Variants in EPB41 observed in about 807,000 individuals in gnomAD.
EPB41 encodes erythrocyte membrane protein band 4.1.
Under a neutral mutation model 108.0 loss-of-function variants are expected in EPB41, and 65 were observed. The observed-to-expected ratio is 0.60, with a 90% CI of 0.49 to 0.74. The LOEUF (loss-of-function observed/expected upper bound fraction) is 0.74. Ranked by LOEUF, EPB41 falls within the 30% of genes least tolerant of loss-of-function variation. The pLI is 0.00. For synonymous variants in EPB41, 336 were observed against 358.9 expected (o/e 0.94, Z 0.72); for missense variants, 875 against 1,037.0 (o/e 0.84, Z 2.15).
At chr1:29,048,843 A>G (rs1241509113) in intron 11 of EPB41, among the ~76,000 whole-genome samples, 1 of 151,842 alleles carries the variant, frequency 6.6e-6, no homozygotes, top group Admixed American at 6.6e-5. Flanking sequence ...TTTTTTTTGT[A>G]GTTCTGTTTT....
At chr1:29,049,938 T>C (rs1356763961) in intron 11 of EPB41, among the ~76,000 whole-genome samples, 3 of 152,144 alleles carry the variant, frequency 2.0e-5, no homozygotes, top group African/African-American at 7.2e-5. Context: ...CCCAACACTG[T>C]GAATATACTA....
intron 19 of EPB41, among the ~76,000 whole-genome samples, chr1:29,114,018 C>A (rs1304948021): frequency 6.6e-6 from 1 of 152,106 alleles, no homozygotes; most frequent in East Asian, 1.9e-4. Flanking sequence ...GTCAGGGGCC[C>A]ACAGAGGTGG....
chr1:28,957,839 A>T (rs1346113533), intron 1 of EPB41, among the ~76,000 whole-genome samples: 1 of 152,312 alleles, frequency 6.6e-6, no homozygotes, highest in Non-Finnish European at 1.5e-5. Flanking sequence ...CCAATTCCTT[A>T]TACCGTCTTC....
chr1:28,895,969 A>C (rs1212617555), intron 1 of EPB41, among the ~76,000 whole-genome samples: 1 of 152,226 alleles, frequency 6.6e-6, no homozygotes, highest in African/African-American at 2.4e-5. Flanking sequence ...TGCTGCTGTA[A>C]GAGTTTTAAA....
intron 2 of EPB41, among the ~76,000 whole-genome samples, chr1:28,990,412 T>C (rs1268695645): frequency 7.2e-6 from 1 of 139,612 alleles, no homozygotes. Flanking sequence ...TCCCCCTCTT[T>C]ATTTATTTTC....
chr1:29,059,335 A>G (rs1646112225), intron 14 of EPB41, among the ~76,000 whole-genome samples: 1 of 152,244 alleles, frequency 6.6e-6, no homozygotes, highest in South Asian at 2.1e-4. Flanking sequence ...TAAACTTTTC[A>G]GTAGCAAAAT....
chr1:28,956,493 A>G (rs1226597226), intron 1 of EPB41, among the ~76,000 whole-genome samples: 1 of 152,244 alleles, frequency 6.6e-6, no homozygotes, highest in Non-Finnish European at 1.5e-5. Flanking sequence ...TCCAAGAACA[A>G]GAACATTTTC....
intron 11 of EPB41, among the ~76,000 whole-genome samples, chr1:29,040,013 A>G: frequency 6.6e-6 from 1 of 152,158 alleles, no homozygotes. Flanking sequence ...ACCAGAGAGT[A>G]AAAATCTAAT....
chr1:28,888,180 C>T (rs746280523), intron 1 of EPB41, among the ~76,000 whole-genome samples: 5 of 152,250 alleles, frequency 3.3e-5, no homozygotes, highest in South Asian at 4.1e-4. Flanking sequence ...CCTTCTCCGC[C>T]TCTGGAGCCC....
At chr1:29,009,864 T>C (rs1278043528) in intron 4 of EPB41, among the ~76,000 whole-genome samples, 1 of 152,116 alleles carries the variant, frequency 6.6e-6, no homozygotes, top group Non-Finnish European at 1.5e-5. Flanking sequence ...AGAAAACTAG[T>C]CCCCACTCTT....
chr1:29,010,711 A>C (rs1339198908), intron 4 of EPB41, among the ~76,000 whole-genome samples: 1 of 152,230 alleles, frequency 6.6e-6, no homozygotes, highest in African/African-American at 2.4e-5. Flanking sequence ...GTGGGAGAAC[A>C]GTGAAGGACA....
At chr1:28,904,708 GCCAA>G (rs1293942441) in intron 1 of EPB41, among the ~76,000 whole-genome samples, 4 of 152,062 alleles carry the variant, frequency 2.6e-5, no homozygotes, top group African/African-American at 9.6e-5. Flanking sequence ...GGCCAGCCTA[GCCAA>G]CATGGTAAAA....
Position 28,887,730 on chromosome 1 carries a change from C to A in EPB41, c.-8+520C>A. ...GACTTTGAGTTTCCGGACCCAGGAA[C>A]CGACCCGCCAGCTGGGGCGCCGGCT... On this transcript the variant is annotated intron_variant, in intron 1 of 16. Transcript: ENST00000347529. This position sits in a 1 kb window ranked among gnomAD's most constrained non-coding sequence, Gnocchi z 4.9. The A allele has an allele frequency of 1.0e-6, 1 of 978,410 alleles. No homozygotes were observed. Among genetic ancestry groups the A allele is most frequent in the Non-Finnish European group, 1.2e-6 (1 of 823,588 alleles). 60.6% of individuals were successfully genotyped at this position (978,410 alleles called of 1,614,324 possible).
intron 1 of EPB41, among the ~76,000 whole-genome samples, chr1:28,963,849 T>G (rs1417316656): frequency 6.6e-6 from 1 of 152,210 alleles, no homozygotes; most frequent in Non-Finnish European, 1.5e-5. Flanking sequence ...TTAAACTATT[T>G]TGGATATCCC....
At chr1:28,974,441 G>A (rs966473207) in intron 1 of EPB41, among the ~76,000 whole-genome samples, 2 of 152,196 alleles carry the variant, frequency 1.3e-5, no homozygotes, top group African/African-American at 4.8e-5. Context: ...ACCTCCAAGG[G>A]TAGAGGTTAG....
intron 4 of EPB41, among the ~76,000 whole-genome samples, chr1:29,007,375 G>A (rs751013339): frequency 2.2e-4 from 34 of 152,114 alleles, no homozygotes; most frequent in Non-Finnish European, 3.8e-4. Context: ...ACATCTCACC[G>A]TAAACATTTC....
chr1:29,081,128 A>G (rs1656431957), intron 16 of EPB41, among the ~76,000 whole-genome samples: 1 of 152,234 alleles, frequency 6.6e-6, no homozygotes, highest in Admixed American at 6.5e-5. Flanking sequence ...TAAGACAGAG[A>G]CAACCTACTG....
At chr1:28,954,618 A>G (rs558209025) in intron 1 of EPB41, among the ~76,000 whole-genome samples, 2 of 152,316 alleles carry the variant, frequency 1.3e-5, no homozygotes, top group East Asian at 1.9e-4. Context: ...TTCACACAAT[A>G]TACTAATACT....
chr1:29,114,478 A>T (rs1186125545), intron 19 of EPB41, among the ~76,000 whole-genome samples: 2 of 152,176 alleles, frequency 1.3e-5, no homozygotes, highest in East Asian at 3.9e-4. Flanking sequence ...CACTGTCTCT[A>T]CTAAAAATAC....
Sources: gnomAD v4.1 joint callset for allele counts (sites outside exome capture counted in the v4.1 genomes callset) on GRCh38, gnomAD v4.1.1 for gene constraint, Gnocchi (gnomAD v3.1) non-coding constraint, MANE v1.5 for transcripts, NCBI Gene and HGNC (gene_info 2026-07-23, HGNC 2026-07-21) for gene names.